Variants in FILIP1 observed in about 807,000 individuals in gnomAD.
The protein encoded by FILIP1 is filamin-A-interacting protein 1.
A neutral mutation model predicts 102.1 loss-of-function variants in FILIP1; 61 were observed. That is an observed-to-expected ratio of 0.60 (90% CI 0.49 to 0.74). The LOEUF is 0.74. Among genes scored for constraint, FILIP1 ranks in the 30% least tolerant of loss-of-function variants. FILIP1 has a pLI of 0.00. For synonymous variants in FILIP1, 491 were observed against 526.9 expected (o/e 0.93, Z 0.93); for missense variants, 1,314 against 1,441.2 (o/e 0.91, Z 1.43).
intron 1 of FILIP1, among the ~76,000 whole-genome samples, chr6:75,437,790 GACTA>G (rs1778076036): frequency 1.3e-5 from 2 of 152,164 alleles, no homozygotes; most frequent in African/African-American, 4.8e-5. Flanking sequence ...TTGGCTAAGA[GACTA>G]ACTGGGCATT....
At chr6:75,355,860 C>T (rs1209028705) in intron 3 of FILIP1, among the ~76,000 whole-genome samples, 1 of 152,182 alleles carries the variant, frequency 6.6e-6, no homozygotes, top group East Asian at 1.9e-4. Flanking sequence ...ACTCAGTATC[C>T]TATTTTCCCC....
chr6:75,379,863 T>C (rs1368130358), intron 2 of FILIP1, among the ~76,000 whole-genome samples: 1 of 152,218 alleles, frequency 6.6e-6, no homozygotes, highest in Non-Finnish European at 1.5e-5. Context: ...TGAAATATCC[T>C]AGGGCTTTTC....
At chr6:75,481,018 C>T (rs541742323) in intron 1 of FILIP1, among the ~76,000 whole-genome samples, 3 of 152,300 alleles carry the variant, frequency 2.0e-5, no homozygotes, top group Non-Finnish European at 4.4e-5. Flanking sequence ...ATGTCTGATG[C>T]TTTCCCTTAG....
At chr6:75,349,555 GC>G (rs1774715293) in intron 4 of FILIP1, among the ~76,000 whole-genome samples, 1 of 152,204 alleles carries the variant, frequency 6.6e-6, no homozygotes, top group Non-Finnish European at 1.5e-5. Context: ...TCTTGGCTGT[GC>G]TTTTTGCTCA....
At chr6:75,491,306 C>T (rs546225864) in intron 1 of FILIP1, among the ~76,000 whole-genome samples, 1 of 152,172 alleles carries the variant, frequency 6.6e-6, no homozygotes, top group East Asian at 1.9e-4. Context: ...TCTGAAATAC[C>T]TGAAGCAGAG....
intron 2 of FILIP1, among the ~76,000 whole-genome samples, chr6:75,406,747 C>T (rs35089554): frequency 0.054 from 8,152 of 151,394 alleles, 304 homozygotes; most frequent in Non-Finnish European, 0.076. Context: ...GCAACCTCCG[C>T]CTCCCAGGTT....
chr6:75,414,036 T>C (rs955557802), intron 2 of FILIP1, among the ~76,000 whole-genome samples: 3 of 150,178 alleles, frequency 2.0e-5, no homozygotes, highest in African/African-American at 7.4e-5. Context: ...GGGCCTCAGA[T>C]TCTTCATTTA....
Position 75,314,926 on chromosome 6 carries a change from G to C in FILIP1, c.906C>G (p.Asp302Glu). The C allele has an allele frequency of 1.2e-6, 2 of 1,614,116 alleles. No individual in the cohort carries two copies. Among genetic ancestry groups the C allele is most frequent in the Non-Finnish European group, 1.7e-6 (2 of 1,180,020 alleles). ...AAAACCTCGAAGCCTTGTGTTCAAA[G>C]TCCACTTCTAACTTGAGCAATTTCT... ...DRQKLLKLEV[D>E]FEHKASRFSQ... Residue 302 changes from aspartate to glutamate, a missense_variant, in exon 5 of 6, where the codon GAC (aspartate) becomes GAG (glutamate). Coordinates refer to ENST00000237172, the MANE Select transcript of FILIP1 (RefSeq NM_015687.5).
intron 2 of FILIP1, among the ~76,000 whole-genome samples, chr6:75,369,585 GA>G (rs35469743): frequency 0.62 from 93,405 of 151,422 alleles, 28,816 homozygotes; most frequent in South Asian, 0.7. Flanking sequence ...ATCTTTGAAA[GA>G]AAAAAAAACA....
intron 1 of FILIP1, among the ~76,000 whole-genome samples, chr6:75,479,902 T>C (rs1179157576): frequency 1.3e-5 from 2 of 148,498 alleles, no homozygotes; most frequent in South Asian, 2.1e-4. Flanking sequence ...AAAAGTCTTA[T>C]ATTAAGGACA....
intron 1 of FILIP1, among the ~76,000 whole-genome samples, chr6:75,449,072 C>A (rs900658370): frequency 2.0e-5 from 3 of 152,068 alleles, no homozygotes; most frequent in Non-Finnish European, 4.4e-5. Flanking sequence ...AGATATGGAA[C>A]CAACCCAAAT....
At chr6:75,419,364 C>T (rs188216899) in intron 1 of FILIP1, among the ~76,000 whole-genome samples, 86 of 152,230 alleles carry the variant, frequency 5.6e-4, no homozygotes, top group African/African-American at 1.9e-3. Context: ...CTTTGCTATG[C>T]TTCTCAGGTA....
In FILIP1 at chr6:75,301,928, T is replaced by G. The variant is rs911287151; in HGVS notation, c.3494-5978A>C. Among the ~76,000 whole-genome samples, 25 of 152,158 alleles carry G rather than the reference T, an allele frequency of 1.6e-4. 2 individuals are homozygous for G. The highest frequency in any genetic ancestry group is 1.5e-5 in the Non-Finnish European group (1 of 68,034). ...AATCCTGCTTTTTGGTGGTGTTTGG[T>G]CCTTTAAAATGAGAGCCTCTCTGTC... On this transcript the variant is annotated intron_variant, in intron 6 of 6. Transcript: ENST00000393004.
At chr6:75,306,413 A>ATGG (rs1562425146), downstream of FILIP1, among the ~76,000 whole-genome samples, 1 of 152,228 alleles carries the variant, frequency 6.6e-6, no homozygotes, top group African/African-American at 2.4e-5. Flanking sequence ...TCACTGAAGA[A>ATGG]TGGCAGGTGG....
intron 1 of FILIP1, among the ~76,000 whole-genome samples, chr6:75,449,698 A>G (rs1778557815): frequency 6.7e-6 from 1 of 150,124 alleles, no homozygotes; most frequent in Admixed American, 6.6e-5. Context: ...AAATGCATTT[A>G]AAAACTAATG....
Position 75,318,616 on chromosome 6 carries a change from T to C in FILIP1, c.630-3414A>G, listed in dbSNP as rs545911795. The stretch of plus-strand genomic sequence containing the variant: ...TATTTACTTAGAAGCATTCAGAATG[T>C]CAACAAAACTGCTGCAACTTTTTTC... On this transcript the variant is annotated intron_variant, in intron 4 of 5. Coordinates refer to ENST00000237172, the MANE Select transcript of FILIP1 (RefSeq NM_015687.5). Among the ~76,000 whole-genome samples the C allele has an allele frequency of 5.9e-5, 9 of 152,296 alleles. No individual in the cohort carries two copies. In the South Asian group the frequency reaches 1.9e-3, roughly 32 times the overall value.
downstream of FILIP1, among the ~76,000 whole-genome samples, chr6:75,303,626 C>G (rs1437045656): frequency 6.6e-6 from 1 of 152,138 alleles, no homozygotes; most frequent in Non-Finnish European, 1.5e-5. Flanking sequence ...GGAGTAAAAA[C>G]TTTATACCTT....
intron 1 of FILIP1, among the ~76,000 whole-genome samples, chr6:75,483,241 A>G (rs1209174542): frequency 1.3e-5 from 2 of 152,192 alleles, no homozygotes; most frequent in African/African-American, 4.8e-5. Context: ...ACATTAACAC[A>G]CTGACCTGTC....
intron 2 of FILIP1, among the ~76,000 whole-genome samples, chr6:75,412,525 C>A (rs573623707): frequency 6.6e-6 from 1 of 152,222 alleles, no homozygotes; most frequent in African/African-American, 2.4e-5. Context: ...CCAGCTTTTG[C>A]CCATTCAGTA....
Sources: gnomAD v4.1 joint callset for allele counts (sites outside exome capture counted in the v4.1 genomes callset) on GRCh38, gnomAD v4.1.1 for gene constraint, MANE v1.5 for transcripts, NCBI Gene and HGNC (gene_info 2026-07-23, HGNC 2026-07-21) for gene names.